Variants in SULT4A1 observed in about 807,000 individuals in gnomAD.
The protein encoded by SULT4A1 is sulfotransferase 4A1.
Under a neutral mutation model 35.2 loss-of-function variants are expected in SULT4A1, and 11 were observed. The observed-to-expected ratio is 0.31, with a 90% CI of 0.20 to 0.52. SULT4A1 has a LOEUF of 0.52. SULT4A1 is among the 20% of genes least tolerant of loss of function. The pLI, the probability that SULT4A1 is intolerant of heterozygous loss-of-function variation, is 0.97. For missense variants in SULT4A1, 271 were observed against 383.7 expected (o/e 0.71, Z 2.45); for synonymous variants, 152 against 151.8 (o/e 1.00, Z -0.01).
chr22:43,856,071 C>T (rs2049398328), intron 1 of SULT4A1, among the ~76,000 whole-genome samples: 1 of 152,236 alleles, frequency 6.6e-6, no homozygotes, highest in South Asian at 2.1e-4. Flanking sequence ...CACCCAAACA[C>T]AGGCTCTTCT....
chr22:43,831,597 C>CA (rs1353228784), intron 5 of SULT4A1, among the ~76,000 whole-genome samples: 3 of 152,232 alleles, frequency 2.0e-5, no homozygotes, highest in Non-Finnish European at 2.9e-5. Flanking sequence ...AGCGGTGGCA[C>CA]ATTCGTGCTG....
At chr22:43,848,838 G>C (rs2063492835) in intron 1 of SULT4A1, among the ~76,000 whole-genome samples, 1 of 152,224 alleles carries the variant, frequency 6.6e-6, no homozygotes, top group African/African-American at 2.4e-5. Context: ...CACCCTGAGT[G>C]GGGAAGAGTC....
At chr22:43,834,030 A>T (rs950114437) in intron 4 of SULT4A1, among the ~76,000 whole-genome samples, 8 of 152,184 alleles carry the variant, frequency 5.3e-5, no homozygotes, top group African/African-American at 1.9e-4. Flanking sequence ...TTATCCGCTT[A>T]ACAAGTGGTC....
rs113790219 is a variant in SULT4A1, at chr22:43,840,870, G to A, written c.301-845C>T. On this transcript the variant is annotated intron_variant, in intron 2 of 6. Transcript: ENST00000330884. ...TCTGGAAGGCCAGGCCCCTCGTGCC[G>A]TGGGGTCTTTGCTCACGGGTCCCTC... Among the ~76,000 whole-genome samples the A allele has an allele frequency of 3.7e-3, 566 of 152,330 alleles. 8 individuals carry two copies. Among genetic ancestry groups the A allele is most frequent in the African/African-American group, 0.013 (531 of 41,578 alleles).
chr22:43,828,957 C>G, intron 6 of SULT4A1, 103 bp downstream of exon 6: 1 of 1,290,066 alleles, frequency 7.8e-7, no homozygotes, highest in Non-Finnish European at 1.0e-6. Flanking sequence ...AAAAGGAGAG[C>G]AGGGAGGGCA....
chr22:43,827,846 A>C (rs553839823), intron 6 of SULT4A1, among the ~76,000 whole-genome samples: 58 of 152,278 alleles, frequency 3.8e-4, no homozygotes, highest in African/African-American at 1.3e-3. Flanking sequence ...AGCAAAAGCA[A>C]AACTAAAAAA....
intron 1 of SULT4A1, among the ~76,000 whole-genome samples, chr22:43,853,276 C>T (rs1009486022): frequency 1.3e-5 from 2 of 152,178 alleles, no homozygotes; most frequent in East Asian, 1.9e-4. Flanking sequence ...TACTCACTTG[C>T]GGGCTAAATC....
intron 2 of SULT4A1, among the ~76,000 whole-genome samples, chr22:43,840,977 C>T (rs1041056639): frequency 2.6e-5 from 4 of 152,228 alleles, no homozygotes; most frequent in East Asian, 1.9e-4. Context: ...CCCCTCCCAG[C>T]GCTGATCGCT....
chr22:43,841,643 C>A (rs1413578257), intron 2 of SULT4A1, among the ~76,000 whole-genome samples, 159 bp downstream of exon 2: 2 of 152,184 alleles, frequency 1.3e-5, no homozygotes, highest in Non-Finnish European at 2.9e-5. Flanking sequence ...GGTTCCAGGT[C>A]ACTGCCAGCT....
At chr22:43,833,950 T>C (rs1291323782) in intron 4 of SULT4A1, among the ~76,000 whole-genome samples, 1 of 152,144 alleles carries the variant, frequency 6.6e-6, no homozygotes, top group Admixed American at 6.5e-5. Context: ...GGCCTGACCA[T>C]GGGGGTGACA....
chr22:43,849,640 C>G (rs1421277671), intron 1 of SULT4A1, among the ~76,000 whole-genome samples: 2 of 152,160 alleles, frequency 1.3e-5, no homozygotes, highest in East Asian at 3.9e-4. Context: ...TTTCAGCTCC[C>G]CTTCCCGCTG....
chr22:43,856,374 T>C lies in SULT4A1; in HGVS notation c.169+5840A>G, dbSNP rs1457602986. Among the ~76,000 whole-genome samples the C allele has an allele frequency of 2.0e-5, 3 of 152,046 alleles. No individual in the cohort carries two copies. The East Asian group carries it at 5.8e-4, about 29-fold the overall frequency. ...CCTGACTACTAGAGATTCTCAGTGC[T>C]ACAGAAGGGACATGAAACTCCTGCA... is the stretch of plus-strand genomic sequence containing the variant. On this transcript the variant is annotated intron_variant, in intron 1 of 6. Coordinates refer to ENST00000330884, the MANE Select transcript of SULT4A1 (RefSeq NM_014351.4).
At chr22:43,828,416 C>G (rs1603403723) in intron 6 of SULT4A1, among the ~76,000 whole-genome samples, 1 of 152,316 alleles carries the variant, frequency 6.6e-6, no homozygotes. Context: ...GAACACTGTC[C>G]CCATCTCCAG....
chr22:43,825,694 G>T lies in SULT4A1; in HGVS notation c.*307C>A. The stretch of plus-strand genomic sequence containing the variant: ...AAAGCTCTATAAAATACAATAATAC[G>T]GGGTTGAAAAGGCAGACATTCTAGT... On this transcript the variant is annotated 3_prime_UTR_variant, in exon 7 of 7. Coordinates refer to ENST00000330884, the MANE Select transcript of SULT4A1 (RefSeq NM_014351.4). 2 of 167,172 alleles carry T rather than the reference G, an allele frequency of 1.2e-5. No individual in the cohort carries two copies. Among genetic ancestry groups the T allele is most frequent in the Non-Finnish European group, 1.1e-5 (1 of 87,664 alleles). The allele number at this position is 167,172 out of a possible 1,614,324, so 10.4% of individuals were successfully genotyped here.
intron 1 of SULT4A1, among the ~76,000 whole-genome samples, chr22:43,858,521 T>A (rs2049428922): frequency 6.6e-6 from 1 of 152,138 alleles, no homozygotes; most frequent in Non-Finnish European, 1.5e-5. Flanking sequence ...GAGGAACTTC[T>A]CAGTTCTTCT....
chr22:43,847,720 A>C (rs1318698858), intron 1 of SULT4A1, among the ~76,000 whole-genome samples: 1 of 152,114 alleles, frequency 6.6e-6, no homozygotes, highest in African/African-American at 2.4e-5. Context: ...AGCCCTCCCT[A>C]ACAACACGCC....
At chr22:43,840,641 G>A (rs1268095904) in intron 2 of SULT4A1, among the ~76,000 whole-genome samples, 4 of 152,182 alleles carry the variant, frequency 2.6e-5, no homozygotes, top group Admixed American at 2.0e-4. Flanking sequence ...GCGCTGGACC[G>A]CACAGCAACC....
chr22:43,851,630 A>T (rs1330422134), intron 1 of SULT4A1, among the ~76,000 whole-genome samples: 1 of 152,122 alleles, frequency 6.6e-6, no homozygotes, highest in African/African-American at 2.4e-5. Flanking sequence ...TGGAGACTGG[A>T]ACCAGGTCAC....
chr22:43,852,362 G>T (rs2049351318), intron 1 of SULT4A1, among the ~76,000 whole-genome samples: 1 of 147,482 alleles, frequency 6.8e-6, no homozygotes, highest in African/African-American at 2.5e-5. Context: ...TTTTTTTGTA[G>T]AGATGGGGGT....
Sources: gnomAD v4.1 joint callset for allele counts (sites outside exome capture counted in the v4.1 genomes callset) on GRCh38, gnomAD v4.1.1 for gene constraint, MANE v1.5 for transcripts, NCBI Gene and HGNC (gene_info 2026-07-23, HGNC 2026-07-21) for gene names.